The following SLC25A30 variants were observed in gnomAD, a reference collection of about 807,000 sequenced individuals.
The protein encoded by SLC25A30 is kidney mitochondrial carrier protein 1.
In SLC25A30, 29 loss-of-function variants were observed where a neutral mutation model predicts 42.7. That is an observed-to-expected ratio of 0.68 (90% CI 0.51 to 0.93). SLC25A30 has a LOEUF of 0.93. Among genes scored for constraint, SLC25A30 ranks in the 40% least tolerant of loss-of-function variants. The probability of loss-of-function intolerance (pLI) is 0.00; values close to 1 mark genes in which losing one functional copy is unlikely to be tolerated. For synonymous variants in SLC25A30, 124 were observed against 131.0 expected (o/e 0.95, Z 0.37); for missense variants, 300 against 359.7 (o/e 0.83, Z 1.34).
chr13:45,396,217 G>A, intron 9 of SLC25A30: 2 of 1,434,846 alleles, frequency 1.4e-6, no homozygotes, highest in Admixed American at 5.4e-5. Flanking sequence ...GATCACAGCT[G>A]AGATATGTAA....
At chr13:45,399,312 T>A (rs1881694041) in intron 7 of SLC25A30, among the ~76,000 whole-genome samples, 2 of 152,188 alleles carry the variant, frequency 1.3e-5, no homozygotes, top group South Asian at 4.1e-4. Flanking sequence ...TTCAAGCGAT[T>A]CTCCTGCCTC....
rs1881852460 is a variant in SLC25A30, at chr13:45,400,399, G to T, written c.614+684C>A. On this transcript the variant is annotated intron_variant, in intron 7 of 9. Coordinates refer to ENST00000519676, the MANE Select transcript of SLC25A30 (RefSeq NM_001010875.4). ...ATCACACCACTGCACTCCAGCCTGG[G>T]TAACAGTGAGACCCCGTCTCACATA... Among the ~76,000 whole-genome samples the T allele has an allele frequency of 5.9e-5, 9 of 152,098 alleles. No homozygotes were observed. The South Asian group carries it at 1.9e-3, about 32-fold the overall frequency.
At chr13:45,424,006 T>A in the SLC25A30 span, among the ~76,000 whole-genome samples, 1 of 77,288 alleles carries the variant, frequency 1.3e-5, no homozygotes, top group Non-Finnish European at 2.3e-5. Flanking sequence ...TATATAAAAA[T>A]ATATATAAAT....
intron 3 of SLC25A30, among the ~76,000 whole-genome samples, chr13:45,407,079 T>C (rs1882580251): frequency 6.6e-6 from 1 of 151,966 alleles, no homozygotes. Flanking sequence ...CTGGACAACA[T>C]GGCAAAACCC....
chr13:45,422,571 G>A (rs61955111), upstream of SLC25A30, among the ~76,000 whole-genome samples: 50,494 of 151,824 alleles, frequency 0.33, 9,345 homozygotes, highest in Non-Finnish European at 0.42. Flanking sequence ...GGAGTTTTTC[G>A]GTTGCCTCAA....
At chr13:45,419,658 A>G (rs965414632), upstream of SLC25A30, among the ~76,000 whole-genome samples, 1 of 149,760 alleles carries the variant, frequency 6.7e-6, no homozygotes, top group Non-Finnish European at 1.5e-5. Context: ...GGCCGGGCTC[A>G]GTGGCTTATG....
chr13:45,427,934 G>T, the SLC25A30 span, among the ~76,000 whole-genome samples: 1 of 151,874 alleles, frequency 6.6e-6, no homozygotes, highest in Non-Finnish European at 1.5e-5. Flanking sequence ...TAGAAACGGG[G>T]GTTTCACCAT....
the SLC25A30 span, among the ~76,000 whole-genome samples, chr13:45,430,267 AGT>A: frequency 6.6e-6 from 1 of 152,090 alleles, no homozygotes; most frequent in Non-Finnish European, 1.5e-5. Context: ...AATATGTGCA[AGT>A]GTGTGTGAGG....
At chr13:45,418,940 CAAA>C (rs1168457204), upstream of SLC25A30, among the ~76,000 whole-genome samples, 1 of 14,904 alleles carries the variant, frequency 6.7e-5, no homozygotes, top group Non-Finnish European at 1.4e-4. Flanking sequence ...GACTTCGTCT[CAAA>C]AAAAAAAAAA....
upstream of SLC25A30, among the ~76,000 whole-genome samples, chr13:45,420,023 G>GA (rs1883847326): frequency 6.6e-6 from 1 of 152,002 alleles, no homozygotes; most frequent in Non-Finnish European, 1.5e-5. Context: ...AAAGGAGAAA[G>GA]AGGGAGGAAG....
the SLC25A30 span, among the ~76,000 whole-genome samples, chr13:45,424,944 A>AT: frequency 1.4e-5 from 1 of 69,920 alleles, no homozygotes; most frequent in African/African-American, 7.8e-5. Context: ...ATATTTAAAT[A>AT]AATATATAAA....
chr13:45,416,301 G>A (rs1000496876), intron 1 of SLC25A30, among the ~76,000 whole-genome samples: 7 of 151,780 alleles, frequency 4.6e-5, no homozygotes, highest in African/African-American at 7.3e-5. Context: ...CTAGCTATTC[G>A]GGAGGCTGAG....
chr13:45,423,624 A>ATATAAATATATGTAAAATATATATT, the SLC25A30 span, among the ~76,000 whole-genome samples: 1 of 75,380 alleles, frequency 1.3e-5, no homozygotes. Flanking sequence ...TAAAATATAT[A>ATATAAATATATGTAAAATATATATT]TATATAAATA....
At chr13:45,426,838 G>T in the SLC25A30 span, among the ~76,000 whole-genome samples, 116 of 152,260 alleles carry the variant, frequency 7.6e-4, 2 homozygotes, top group Admixed American at 7.5e-3. Flanking sequence ...AAGGTAATCT[G>T]TGAGGTTCCC....
rs1288707052 is a variant in SLC25A30, at chr13:45,395,392, A to G, written c.*582T>C. Reference sequence around the variant, plus strand: ...TCTTCAAAGCTTAAAATCACTTATTATAAGTGGAAGATCCTGCCAAAATAG... The same window carrying G: ...TCTTCAAAGCTTAAAATCACTTATTGTAAGTGGAAGATCCTGCCAAAATAG... On this transcript the variant is annotated 3_prime_UTR_variant, in exon 10 of 10. Coordinates refer to ENST00000519676, the MANE Select transcript of SLC25A30 (RefSeq NM_001010875.4). 6 of 986,416 alleles carry G rather than the reference A, an allele frequency of 6.1e-6. No homozygotes were observed. Among genetic ancestry groups the G allele is most frequent in the Admixed American group, 1.2e-4 (2 of 16,518 alleles). The allele number at this position is 986,416 out of a possible 1,614,324, so 61.1% of individuals were successfully genotyped here.
Position 45,395,671 on chromosome 13 carries a change from C to A in SLC25A30, c.*303G>T, listed in dbSNP as rs754906964. ...ACTCTCCCTGAATAAAACAATACATCGCTCCTGATTTTCTTGCAAGTTTTC... is the reference window on the plus strand; with the variant it reads ...ACTCTCCCTGAATAAAACAATACATAGCTCCTGATTTTCTTGCAAGTTTTC... On this transcript the variant is annotated 3_prime_UTR_variant, in exon 10 of 10. Coordinates refer to ENST00000519676, the MANE Select transcript of SLC25A30 (RefSeq NM_001010875.4). The A allele has an allele frequency of 1.6e-6, 2 of 1,270,220 alleles. No individual in the cohort carries two copies. Among genetic ancestry groups the A allele is most frequent in the African/African-American group, 3.0e-5 (2 of 65,796 alleles). The allele number at this position is 1,270,220 out of a possible 1,614,324, so 78.7% of individuals were successfully genotyped here.
chr13:45,394,816 A>G lies in SLC25A30; in HGVS notation c.*1158T>C, dbSNP rs1593592101. The G allele has an allele frequency of 1.0e-6, 1 of 985,422 alleles. No homozygotes were observed. The highest frequency in any genetic ancestry group is 1.2e-6 in the Non-Finnish European group (1 of 829,898). 61.0% of individuals were successfully genotyped at this position (985,422 alleles called of 1,614,324 possible). A position where few individuals can be genotyped will look rare whatever the true frequency, so the allele number is the denominator to read the frequency against. ...ATGCACTAAAGAAATCATTTTTAAA[A>G]TTTCAAGCAGGTATTTTCCATCCAA... On this transcript the variant is annotated 3_prime_UTR_variant, in exon 10 of 10. Transcript: ENST00000519676.
chr13:45,401,950 C>G (rs1020494262), intron 6 of SLC25A30, among the ~76,000 whole-genome samples: 1 of 151,658 alleles, frequency 6.6e-6, no homozygotes, highest in African/African-American at 2.4e-5. Flanking sequence ...ATCCCAGTTA[C>G]TCAGGAGGCT....
intron 1 of SLC25A30, among the ~76,000 whole-genome samples, chr13:45,416,467 AAAC>A (rs1389365978): frequency 6.6e-6 from 1 of 152,012 alleles, no homozygotes; most frequent in African/African-American, 2.4e-5. Context: ...CAAAGTAAAA[AAAC>A]AACAACAAAA....
Sources: allele counts gnomAD v4.1 joint callset (sites outside exome capture counted in the v4.1 genomes callset), GRCh38; gene constraint gnomAD v4.1.1; transcripts MANE v1.5; gene names NCBI Gene and HGNC (gene_info 2026-07-23, HGNC 2026-07-21).